The following BDP1 variants were observed in gnomAD, a reference collection of about 807,000 sequenced individuals.
BDP1 encodes BDP1 general transcription factor IIIB subunit.
A neutral mutation model predicts 266.6 loss-of-function variants in BDP1; 169 were observed. That is an observed-to-expected ratio of 0.63 (90% CI 0.56 to 0.72). The LOEUF is 0.72. BDP1 is among the 30% of genes least tolerant of loss of function. BDP1 has a pLI of 0.00. For synonymous variants in BDP1, 1,090 were observed against 1,022.4 expected, an observed-to-expected ratio of 1.07 and a Z score of -1.26; for missense variants, 3,015 against 3,053.8, an observed-to-expected ratio of 0.99 and a Z score of 0.30.
chr5:71,551,661 G>T (rs569637993), intron 34 of BDP1, among the ~76,000 whole-genome samples: 86 of 152,230 alleles, frequency 5.6e-4, no homozygotes, highest in Non-Finnish European at 4.9e-4. Context: ...GGGCAGAGGG[G>T]CTCTTCACTT....
At chr5:71,525,362 C>G (rs1765746321) in intron 25 of BDP1, among the ~76,000 whole-genome samples, 2 of 147,070 alleles carry the variant, frequency 1.4e-5, no homozygotes, top group East Asian at 2.1e-4. Flanking sequence ...CCCCTCACCT[C>G]CCGGATGGGG....
intron 25 of BDP1, among the ~76,000 whole-genome samples, chr5:71,530,244 TA>T (rs1283263883): frequency 6.6e-6 from 1 of 152,140 alleles, no homozygotes; most frequent in African/African-American, 2.4e-5. Flanking sequence ...TCTTTATTTT[TA>T]TTTTTTTGAG....
Position 71,545,232 on chromosome 5 carries a change from A to T in BDP1, c.6744+13A>T. On this transcript the variant is annotated intron_variant, in intron 32 of 38. Coordinates refer to ENST00000358731, the MANE Select transcript of BDP1 (RefSeq NM_018429.3). ...TCCTGTGCCAGAGGTAAAAGAATGT[A>T]CAGTATAATAAGGGATAGCAAGGTG... 6.2e-7 allele frequency: 1 copy of T among 1,609,602 alleles called. No homozygotes were observed. Among genetic ancestry groups the T allele is most frequent in the Non-Finnish European group, 8.5e-7 (1 of 1,177,502 alleles).
intron 37 of BDP1, among the ~76,000 whole-genome samples, chr5:71,560,641 C>G (rs1743579306): frequency 6.6e-6 from 1 of 152,142 alleles, no homozygotes. Context: ...AAGAGGTAAA[C>G]CATGGCTTTC....
At chr5:71,514,702 T>G (rs1408142796) in intron 19 of BDP1, among the ~76,000 whole-genome samples, 2 of 152,188 alleles carry the variant, frequency 1.3e-5, no homozygotes, top group Non-Finnish European at 2.9e-5. Flanking sequence ...GATTTTTTTG[T>G]TTGTCTTTTC....
chr5:71,491,098 T>G lies in BDP1; in HGVS notation c.1607T>G (p.Val536Gly). The change falls in exon 11 of 39, where the codon GTT (valine) becomes GGT (glycine). Residue 536 changes from valine to glycine, a missense_variant. Physicochemically the swap from Val to Gly is moderately radical, Grantham distance 109 (BLOSUM62 -3). Transcript: ENST00000358731. ...GTGGGTTTTGCCTCCACTGAAAAAG[T>G]TGAGAAAAGAACTGACCCCATCCTT... ...GIVGFASTEK[V>G]EKRTDPILSL... The G allele has an allele frequency of 6.2e-7, 1 of 1,614,062 alleles. No homozygotes were observed. Among genetic ancestry groups the G allele is most frequent in the Non-Finnish European group, 8.5e-7 (1 of 1,179,968 alleles).
At position 71,559,999 on chromosome 5, in the gene BDP1, C is replaced by G. The variant is rs187778306; in HGVS notation, c.7258C>G (p.Gln2420Glu). The change falls in exon 37 of 39, where the codon CAA (glutamine) becomes GAA (glutamate). Residue 2420 changes from glutamine (Q) to glutamate (E), a missense_variant. Gln to Glu is a conservative substitution (Grantham distance 29). This residue lies in a region of BDP1 where 629 missense variants were observed against 632.5 expected (regional missense o/e 0.99). Coordinates refer to ENST00000358731, the MANE Select transcript of BDP1 (RefSeq NM_018429.3). ...TTTTGAAGGGGAGTCTCACAAGGGA[C>G]AAGATATTTTTCTTACCTCAGGAAG... Reference protein sequence around the residue: ...FEETGESHKGQDIFLTSGSTL... With the variant: ...FEETGESHKGEDIFLTSGSTL... 6.1e-4 allele frequency: 978 copies of G among 1,613,614 alleles called. 3 individuals are homozygous for G. The highest frequency in any genetic ancestry group is 1.4e-3 in the Admixed American group (85 of 59,972).
chr5:71,517,577 A>G, intron 22 of BDP1, 125 bp downstream of exon 22: 1 of 770,418 alleles, frequency 1.3e-6, no homozygotes, highest in Non-Finnish European at 2.0e-6. Context: ...AGTAATAAAT[A>G]CTTGTGATAC....
chr5:71,468,607 CTTTTTT>C (rs11376926), intron 6 of BDP1, among the ~76,000 whole-genome samples: 1 of 134,814 alleles, frequency 7.4e-6, no homozygotes, highest in Non-Finnish European at 1.5e-5. Context: ...ACAATATTTC[CTTTTTT>C]TTTTTTTTTT....
At chr5:71,471,076 T>G (rs919092715) in intron 7 of BDP1, among the ~76,000 whole-genome samples, 2 of 150,578 alleles carry the variant, frequency 1.3e-5, no homozygotes, top group African/African-American at 4.9e-5. Context: ...AACTAAGATA[T>G]AAGAAGAGTT....
intron 16 of BDP1, among the ~76,000 whole-genome samples, chr5:71,506,921 A>G (rs1279913966): frequency 6.6e-6 from 1 of 151,832 alleles, no homozygotes; most frequent in Non-Finnish European, 1.5e-5. Context: ...TTTGGGCTCA[A>G]TTGATCCTCT....
In BDP1 at chr5:71,516,085, G is replaced by T. The variant is rs1266756794; in HGVS notation, c.4674G>T (p.Gln1558His). 6.2e-7 allele frequency: 1 copy of T among 1,608,336 alleles called. No homozygotes were observed. Among genetic ancestry groups the T allele is most frequent in the East Asian group, 2.2e-5 (1 of 44,584 alleles). Residue 1558 changes from glutamine to histidine, a missense_variant, in exon 21 of 39, where the codon CAG (glutamine) becomes CAT (histidine). Gln to His is a conservative substitution (Grantham distance 24). Around this residue, in one of 3 missense-constraint regions of BDP1, gnomAD observed 2,383 missense variants for 2,404.9 expected, o/e 0.99. Coordinates refer to ENST00000358731, the MANE Select transcript of BDP1 (RefSeq NM_018429.3). ...GGACTAATAATGTAAACACTTTCCA[G>T]CAAGAAATGAAGGAAAGTGTTATCC... The part of the protein sequence containing the change: ...SVGTNNVNTF[Q>H]QEMKESVIQT...
intron 14 of BDP1, 135 bp downstream of exon 14, chr5:71,501,788 T>C (rs1184622573): frequency 4.9e-6 from 3 of 616,270 alleles, no homozygotes; most frequent in Non-Finnish European, 8.6e-6. Flanking sequence ...TTTTCAACCA[T>C]AGGTGGTTTT....
intron 14 of BDP1, 148 bp from the exon 15 acceptor site, chr5:71,502,451 G>A (rs1192782351): frequency 5.9e-6 from 4 of 674,118 alleles, no homozygotes; most frequent in Non-Finnish European, 4.9e-6. Context: ...TGGGATTACA[G>A]GTGCGAGCCA....
chr5:71,538,851 CA>C (rs1192470296), intron 26 of BDP1, among the ~76,000 whole-genome samples, 190 bp from the exon 27 acceptor site: 1 of 152,224 alleles, frequency 6.6e-6, no homozygotes, highest in African/African-American at 2.4e-5. Context: ...GCAAGAGACA[CA>C]AGAATTTTGC....
chr5:71,467,280 A>G (rs972250313), intron 5 of BDP1, 74 bp from the exon 6 acceptor site: 18 of 1,236,442 alleles, frequency 1.5e-5, no homozygotes, highest in Middle Eastern at 2.0e-4. Context: ...CTCAAAATAT[A>G]ACTATTTACA....
At chr5:71,526,239 C>G (rs939654843) in intron 25 of BDP1, among the ~76,000 whole-genome samples, 3 of 152,112 alleles carry the variant, frequency 2.0e-5, no homozygotes, top group Non-Finnish European at 4.4e-5. Context: ...GAGCTGGAGA[C>G]CAGCCCAGCC....
chr5:71,484,827 G>A (rs910303739), intron 8 of BDP1, among the ~76,000 whole-genome samples: 2 of 151,738 alleles, frequency 1.3e-5, no homozygotes, highest in African/African-American at 4.8e-5. Context: ...ATTAGCCATA[G>A]TGCTAATTTT....
intron 26 of BDP1, among the ~76,000 whole-genome samples, chr5:71,533,084 A>C (rs1264749501): frequency 6.6e-6 from 1 of 152,144 alleles, no homozygotes; most frequent in African/African-American, 2.4e-5. Context: ...TTTACTGTTC[A>C]TCTATGTTGC....
Sources: allele counts gnomAD v4.1 joint callset (sites outside exome capture counted in the v4.1 genomes callset), GRCh38; gene constraint gnomAD v4.1.1; regional missense constraint gnomAD v4.1.1; transcripts MANE v1.5; gene names NCBI Gene and HGNC (gene_info 2026-07-23, HGNC 2026-07-21).